Variants in EFHD1 observed in about 807,000 individuals in gnomAD.
EFHD1 encodes the protein EF-hand domain-containing protein D1.
A neutral mutation model predicts 17.2 loss-of-function variants in EFHD1; 10 were observed. The observed-to-expected ratio is 0.58, with a 90% CI of 0.36 to 0.99. EFHD1 has a LOEUF of 0.99. Among genes scored for constraint, EFHD1 ranks in the 50% least tolerant of loss-of-function variants. EFHD1 has a pLI of 0.01. For synonymous variants in EFHD1, 153 were observed against 142.0 expected (o/e 1.08, Z -0.55); for missense variants, 310 against 327.5 (o/e 0.95, Z 0.41).
chr2:232,636,616 G>C (rs932634977), intron 1 of EFHD1, among the ~76,000 whole-genome samples: 8 of 152,068 alleles, frequency 5.3e-5, no homozygotes, highest in Non-Finnish European at 1.0e-4. Context: ...ATGAGGTCAG[G>C]AGTTCGAGGC....
chr2:232,635,418 A>G (rs529827618), intron 1 of EFHD1, among the ~76,000 whole-genome samples: 8 of 152,298 alleles, frequency 5.3e-5, no homozygotes, highest in Admixed American at 1.3e-4. Context: ...GGAAAGATCA[A>G]CTTGTAGTTG....
At chr2:232,625,792 A>T (rs1251282264) in intron 1 of EFHD1, among the ~76,000 whole-genome samples, 1 of 152,228 alleles carries the variant, frequency 6.6e-6, no homozygotes, top group African/African-American at 2.4e-5. Flanking sequence ...TAAACCTGAC[A>T]TCACCTTAGC....
chr2:232,638,232 G>A (rs1053639956), intron 1 of EFHD1: 1 of 415,512 alleles, frequency 2.4e-6, no homozygotes, highest in Non-Finnish European at 4.9e-6. Flanking sequence ...TTATCTGGAG[G>A]CCTCTTTCAA....
chr2:232,633,388 CG>C, upstream of EFHD1: 9 of 1,083,454 alleles, frequency 8.3e-6, no homozygotes, highest in Non-Finnish European at 9.2e-6. Context: ...TGCCTGGTCC[CG>C]GGGGGACGGT....
intron 3 of EFHD1, 134 bp from the exon 4 acceptor site, chr2:232,681,451 G>A: frequency 1.6e-6 from 2 of 1,282,196 alleles, no homozygotes; most frequent in East Asian, 2.4e-5. Context: ...GTGCTTGCTG[G>A]GGTCCTGCCC....
chr2:232,648,345 T>C (rs1040059874), intron 1 of EFHD1, among the ~76,000 whole-genome samples: 5 of 152,152 alleles, frequency 3.3e-5, no homozygotes, highest in Non-Finnish European at 7.4e-5. Context: ...TGGCCCTTTT[T>C]CAGAGCCTGC....
rs1694357751 is a variant in EFHD1 at position 232,638,375 on chromosome 2, T to C, written c.302+4369T>C. ...AAAGAGAGGGTGGGAAGAGGAACAT[T>C]TGGCTATGGGAAAGTTGTCTTTTTC... On this transcript the variant is annotated intron_variant, in intron 1 of 3. Transcript: ENST00000264059. 3 of 470,988 alleles carry C rather than the reference T, an allele frequency of 6.4e-6. No homozygotes were observed. In the Admixed American group the frequency reaches 7.0e-5, roughly 11 times the overall value. The allele number at this position is 470,988 out of a possible 1,614,324, so 29.2% of individuals were successfully genotyped here.
At position 232,650,582 on chromosome 2, in the gene EFHD1, T is replaced by C. The variant is rs1483999518; in HGVS notation, c.303-12220T>C. 1.6e-3 allele frequency among the ~76,000 whole-genome samples: 43 copies of C among 26,618 alleles called. 1 individual carries two copies. The East Asian group carries it at 0.017, about 10-fold the overall frequency. 17.5% of individuals were successfully genotyped at this position (26,618 alleles called of 152,430 possible). On this transcript the variant is annotated intron_variant, in intron 1 of 3. Coordinates refer to ENST00000264059, the MANE Select transcript of EFHD1 (RefSeq NM_025202.4). ...GTGCTTTTTTTTTTTTTTTTTTTTT[T>C]TTTTGAGACTGAGTTTCACTCTATT...
At chr2:232,649,599 A>G (rs16829373) in intron 1 of EFHD1, among the ~76,000 whole-genome samples, 12,106 of 152,162 alleles carry the variant, frequency 0.08, 596 homozygotes, top group African/African-American at 0.12. Flanking sequence ...ATGACCGCAG[A>G]CAAGTGCTAC....
chr2:232,634,083 C>A, intron 1 of EFHD1, 77 bp downstream of exon 1: 1 of 1,560,032 alleles, frequency 6.4e-7, no homozygotes, highest in East Asian at 2.4e-5. Flanking sequence ...AAGTCCCGGG[C>A]CCTGTTTGTG....
chr2:232,639,033 C>T (rs1445085765), intron 1 of EFHD1, among the ~76,000 whole-genome samples: 1 of 152,116 alleles, frequency 6.6e-6, no homozygotes, highest in East Asian at 1.9e-4. Context: ...CTTTTACTTG[C>T]CAGCACGCAT....
chr2:232,650,700 C>G (rs796382974), intron 1 of EFHD1, among the ~76,000 whole-genome samples: 5 of 150,376 alleles, frequency 3.3e-5, no homozygotes, highest in African/African-American at 1.2e-4. Flanking sequence ...TCCCAAGTAG[C>G]TGGGATTACA....
intron 1 of EFHD1, among the ~76,000 whole-genome samples, chr2:232,643,848 C>T (rs570389214): frequency 1.8e-4 from 27 of 152,264 alleles, no homozygotes; most frequent in African/African-American, 5.5e-4. Flanking sequence ...ACGCCCAGCT[C>T]ATCTGTACTT....
At chr2:232,625,645 G>A (rs4997379) in intron 1 of EFHD1, among the ~76,000 whole-genome samples, 35,085 of 152,008 alleles carry the variant, frequency 0.23, 4,554 homozygotes, top group East Asian at 0.57. Context: ...TCAGCTGCCA[G>A]TAAAAGAAAT....
chr2:232,623,174 G>A (rs1433962779), intron 1 of EFHD1, among the ~76,000 whole-genome samples: 2 of 152,060 alleles, frequency 1.3e-5, no homozygotes, highest in Admixed American at 1.3e-4. Context: ...GGCCTCCCGA[G>A]TAGTTGGGAC....
upstream of EFHD1, among the ~76,000 whole-genome samples, chr2:232,631,704 AAAC>A (rs1404708750): frequency 8.6e-5 from 12 of 139,766 alleles, no homozygotes; most frequent in African/African-American, 3.4e-4. Flanking sequence ...AAAAAAAAAA[AAAC>A]AAAAACAAAA....
Position 232,633,893 on chromosome 2 carries a change from G to A in EFHD1, c.189G>A (p.Leu63=). Reference sequence around the variant, plus strand: ...TGAGCGCCCAGCTGAGCCGGCGGCTGGACATCAACGAGGGCGCTGCGCGGC... The same window carrying A: ...TGAGCGCCCAGCTGAGCCGGCGGCTAGACATCAACGAGGGCGCTGCGCGGC... ...AELSAQLSRR[L]DINEGAARPR... is the part of the protein sequence containing the mutation. The change falls in exon 1 of 4, where the codon CTG becomes CTA. Residue 63 remains leucine (L), a synonymous_variant. Coordinates refer to ENST00000264059, the MANE Select transcript of EFHD1 (RefSeq NM_025202.4). 1.3e-6 allele frequency: 2 copies of A among 1,564,520 alleles called. No homozygotes were observed. The highest frequency in any genetic ancestry group is 1.1e-5 in the South Asian group (1 of 88,284).
At chr2:232,650,381 G>A (rs1429212651) in intron 1 of EFHD1, among the ~76,000 whole-genome samples, 5 of 139,970 alleles carry the variant, frequency 3.6e-5, no homozygotes, top group African/African-American at 8.0e-5. Context: ...TGCAATCTCC[G>A]CCTCCCAGGT....
chr2:232,662,337 C>T lies in EFHD1; in HGVS notation c.303-465C>T, dbSNP rs139611055. Among the ~76,000 whole-genome samples, 435 of 152,064 alleles carry T rather than the reference C, an allele frequency of 2.9e-3. 1 individual carries two copies. The highest frequency in any genetic ancestry group is 9.7e-3 in the African/African-American group (404 of 41,438). ...CTTCCCTAGACCTGGGACGGAAAGG[C>T]GGGCTGTTGGGAATGGCTGTGGGAG... On this transcript the variant is annotated intron_variant, in intron 1 of 3. Transcript: ENST00000264059.
Sources: gnomAD v4.1 joint callset for allele counts (sites outside exome capture counted in the v4.1 genomes callset) on GRCh38, gnomAD v4.1.1 for gene constraint, MANE v1.5 for transcripts, NCBI Gene and HGNC (gene_info 2026-07-23, HGNC 2026-07-21) for gene names.